Variants in SLC1A3 observed in about 807,000 individuals in gnomAD.
The protein encoded by SLC1A3 is solute carrier family 1 member 3.
SLC1A3 carries 21 observed loss-of-function variants against 48.1 expected under a neutral mutation model. That is an observed-to-expected ratio of 0.44 (90% CI 0.31 to 0.63). The LOEUF (loss-of-function observed/expected upper bound fraction) is 0.63, where lower values mean the gene tolerates loss of function less well. SLC1A3 is among the 20% of genes least tolerant of loss of function. The pLI is 0.08. For synonymous variants in SLC1A3, 239 were observed against 251.4 expected (o/e 0.95, Z 0.47); for missense variants, 546 against 689.0 (o/e 0.79, Z 2.32).
intron 4 of SLC1A3, 119 bp from the exon 5 acceptor site, chr5:36,673,930 T>G (rs2111942619): frequency 1.2e-6 from 1 of 807,368 alleles, no homozygotes; most frequent in East Asian, 2.4e-5. Flanking sequence ...CTAACATTTT[T>G]GTTTTTCCAT....
chr5:36,671,980 A>C (rs1288465789), intron 4 of SLC1A3, among the ~76,000 whole-genome samples: 3 of 152,112 alleles, frequency 2.0e-5, no homozygotes, highest in Non-Finnish European at 4.4e-5. Flanking sequence ...GAAGCATACC[A>C]CATACTCTAA....
intron 1 of SLC1A3, among the ~76,000 whole-genome samples, chr5:36,598,110 G>A (rs955537494): frequency 6.6e-5 from 10 of 152,206 alleles, no homozygotes; most frequent in Non-Finnish European, 5.9e-5. Flanking sequence ...AGTCCCAGCA[G>A]AGCAGAATTG....
intron 6 of SLC1A3, among the ~76,000 whole-genome samples, chr5:36,678,110 T>A (rs1561283264): frequency 6.6e-6 from 1 of 152,238 alleles, no homozygotes. Flanking sequence ...CTTTCATTCT[T>A]TATTTTTAAT....
intron 3 of SLC1A3, among the ~76,000 whole-genome samples, chr5:36,639,185 C>T (rs1012256374): frequency 6.6e-6 from 1 of 152,172 alleles, no homozygotes; most frequent in Non-Finnish European, 1.5e-5. Context: ...GCTCAGTGAC[C>T]TTCGATGGGC....
At position 36,676,925 on chromosome 5, in the gene SLC1A3, G is replaced by A. The variant is rs748235513; in HGVS notation, c.601G>A (p.Val201Met). 3.7e-6 allele frequency: 6 copies of A among 1,613,866 alleles called. No homozygotes were observed. Among genetic ancestry groups the A allele is most frequent in the Admixed American group, 1.7e-5 (1 of 59,998 alleles). ...CAACTATGAGAAGAGAAGCTTTAAA[G>A]TGCCCATCCAGGCCAACGAAACGCT... The part of the protein sequence containing the change: ...KTNYEKRSFK[V>M]PIQANETLVG... The change falls in exon 6 of 10, where the codon GTG becomes ATG. Residue 201 changes from valine (V) to methionine (M), a missense_variant. Physicochemically the swap from Val to Met is conservative, Grantham distance 21. Coordinates refer to ENST00000265113, the MANE Select transcript of SLC1A3 (RefSeq NM_004172.5).
chr5:36,621,030 T>A (rs1162602397), intron 2 of SLC1A3, among the ~76,000 whole-genome samples: 1 of 151,914 alleles, frequency 6.6e-6, no homozygotes, highest in African/African-American at 2.4e-5. Context: ...CTCAGCCTCC[T>A]GAGTAGCTGG....
chr5:36,640,855 C>T (rs1350100320), intron 3 of SLC1A3, among the ~76,000 whole-genome samples: 2 of 152,066 alleles, frequency 1.3e-5, no homozygotes, highest in African/African-American at 4.8e-5. Context: ...CCCCCACCTA[C>T]ACCCACCACT....
chr5:36,679,869 G>A lies in SLC1A3; in HGVS notation c.1094+9G>A. Reference sequence around the variant, plus strand: ...CTGGGGACCTCTTCAAGGTATGTATGTATGTGTGGAAAATGAGTCTGAAAT... The same window carrying A: ...CTGGGGACCTCTTCAAGGTATGTATATATGTGTGGAAAATGAGTCTGAAAT... On this transcript the variant is annotated intron_variant, in intron 7 of 9. Transcript: ENST00000265113. The A allele has an allele frequency of 6.3e-7, 1 of 1,590,084 alleles. No individual in the cohort carries two copies. Among genetic ancestry groups the A allele is most frequent in the Non-Finnish European group, 8.6e-7 (1 of 1,158,238 alleles).
intron 3 of SLC1A3, among the ~76,000 whole-genome samples, chr5:36,636,784 T>A (rs1470601305): frequency 6.6e-6 from 1 of 151,966 alleles, no homozygotes; most frequent in Admixed American, 6.5e-5. Flanking sequence ...ACAGAAACCT[T>A]CCCTTTCGAA....
chr5:36,631,902 T>C (rs1429241785), intron 3 of SLC1A3, among the ~76,000 whole-genome samples: 1 of 152,206 alleles, frequency 6.6e-6, no homozygotes, highest in East Asian at 1.9e-4. Context: ...TCCCTGTGTA[T>C]ACTGGGAAAT....
intron 2 of SLC1A3, among the ~76,000 whole-genome samples, chr5:36,628,887 C>T (rs999560938): frequency 2.0e-5 from 3 of 151,948 alleles, no homozygotes; most frequent in African/African-American, 7.3e-5. Context: ...GTTACCAAGG[C>T]AATGTCAAGA....
At chr5:36,640,093 T>C (rs2111802919) in intron 3 of SLC1A3, among the ~76,000 whole-genome samples, 1 of 152,324 alleles carries the variant, frequency 6.6e-6, no homozygotes, top group South Asian at 2.1e-4. Flanking sequence ...TGTCATGAAT[T>C]GTATGCCTCC....
At chr5:36,648,930 A>G (rs1288329029) in intron 3 of SLC1A3, among the ~76,000 whole-genome samples, 3 of 152,226 alleles carry the variant, frequency 2.0e-5, no homozygotes, top group Non-Finnish European at 4.4e-5. Context: ...TTTATACTGC[A>G]CATAATGAAC....
chr5:36,616,513 A>C (rs1739443197), intron 2 of SLC1A3, among the ~76,000 whole-genome samples: 2 of 152,194 alleles, frequency 1.3e-5, no homozygotes, highest in Admixed American at 1.3e-4. Context: ...CAGAGAGGGC[A>C]ACTCCATTCT....
intron 2 of SLC1A3, chr5:36,613,145 G>A (rs761173274): frequency 2.3e-5 from 6 of 261,118 alleles, no homozygotes; most frequent in South Asian, 4.0e-5. Flanking sequence ...GGATGCCACC[G>A]AGGTGCATAT....
At chr5:36,642,159 C>T (rs980620657) in intron 3 of SLC1A3, among the ~76,000 whole-genome samples, 1 of 152,174 alleles carries the variant, frequency 6.6e-6, no homozygotes, top group Admixed American at 6.5e-5. Flanking sequence ...TAGCAGCAAA[C>T]ATTTGGGTTT....
At chr5:36,684,033 C>G in intron 9 of SLC1A3, 35 bp downstream of exon 9, 1 of 1,613,778 alleles carries the variant, frequency 6.2e-7, no homozygotes, top group Non-Finnish European at 8.5e-7. Context: ...AGCTCACTGT[C>G]ACAGGGTCCC....
chr5:36,650,052 T>C (rs1579996083), intron 3 of SLC1A3, among the ~76,000 whole-genome samples: 1 of 152,226 alleles, frequency 6.6e-6, no homozygotes, highest in South Asian at 2.1e-4. Context: ...TGTGGGCAGA[T>C]GTGAAATTTT....
chr5:36,598,561 C>A (rs937672470), intron 1 of SLC1A3, among the ~76,000 whole-genome samples: 1 of 152,110 alleles, frequency 6.6e-6, no homozygotes, highest in Non-Finnish European at 1.5e-5. Context: ...ACAGTGCTGA[C>A]CAATAGAAAT....
Sources: gnomAD v4.1 joint callset for allele counts (sites outside exome capture counted in the v4.1 genomes callset) on GRCh38, gnomAD v4.1.1 for gene constraint, MANE v1.5 for transcripts, NCBI Gene and HGNC (gene_info 2026-07-23, HGNC 2026-07-21) for gene names.